Variants in ALK observed in about 807,000 individuals in gnomAD.
ALK encodes ALK tyrosine kinase receptor.
Under a neutral mutation model 163.1 loss-of-function variants are expected in ALK, and 74 were observed. That is an observed-to-expected ratio of 0.45 (90% confidence interval 0.38 to 0.55). The LOEUF is 0.55. Ranked by LOEUF, ALK falls within the 20% of genes least tolerant of loss-of-function variation. ALK has a pLI of 0.00. For missense variants in ALK, 2,063 were observed against 2,105.3 expected (o/e 0.98, Z 0.39); for synonymous variants, 960 against 843.2 (o/e 1.14, Z -2.40).
chr2:29,476,451 C>T (rs532508313), intron 4 of ALK, among the ~76,000 whole-genome samples: 1 of 151,972 alleles, frequency 6.6e-6, no homozygotes, highest in East Asian at 1.9e-4. Context: ...ATCAAAATAT[C>T]AAGAAGGAAA....
At chr2:29,717,487 G>T in intron 2 of ALK, 91 bp downstream of exon 2, 1 of 1,488,378 alleles carries the variant, frequency 6.7e-7, no homozygotes, top group Non-Finnish European at 9.4e-7. Context: ...GGAATGCCCT[G>T]GAGCACTATG....
intron 11 of ALK, among the ~76,000 whole-genome samples, chr2:29,266,953 C>G (rs1416369604): frequency 6.6e-6 from 1 of 152,140 alleles, no homozygotes; most frequent in East Asian, 1.9e-4. Flanking sequence ...ATAATCACAC[C>G]CTTGTGTAAC....
rs190396623 is a variant in ALK, at chr2:29,312,373, C to T, written c.1647+5931G>A. On this transcript the variant is annotated intron_variant, in intron 8 of 28. Transcript: ENST00000389048. ...AAGCCGAGAACAGTGGGTCGCTATA[C>T]TCAAGGTCTCCAGGCTAGAAAGTGG... is the stretch of plus-strand genomic sequence containing the variant. 4.6e-5 allele frequency among the ~76,000 whole-genome samples: 7 copies of T among 152,004 alleles called. No homozygotes were observed. In the East Asian group the frequency reaches 1.4e-3, roughly 29 times the overall value.
At chr2:29,811,802 A>T (rs1334118932) in intron 1 of ALK, among the ~76,000 whole-genome samples, 2 of 152,180 alleles carry the variant, frequency 1.3e-5, no homozygotes, top group African/African-American at 4.8e-5. Context: ...GATACTGTGT[A>T]TCTCATTGCA....
intron 4 of ALK, among the ~76,000 whole-genome samples, chr2:29,431,866 A>G (rs1670280332): frequency 6.6e-6 from 1 of 152,112 alleles, no homozygotes; most frequent in Non-Finnish European, 1.5e-5. Flanking sequence ...ACCCAGATAC[A>G]AGTCAGATGT....
At chr2:29,759,811 G>A (rs770065983) in intron 1 of ALK, among the ~76,000 whole-genome samples, 45 of 152,234 alleles carry the variant, frequency 3.0e-4, no homozygotes, top group Middle Eastern at 6.8e-3. Flanking sequence ...TTCCAACGTC[G>A]AAAGCCATTG....
chr2:29,670,697 T>C (rs1677656780), intron 3 of ALK, among the ~76,000 whole-genome samples: 1 of 152,084 alleles, frequency 6.6e-6, no homozygotes, highest in African/African-American at 2.4e-5. Context: ...CATTCCTTTT[T>C]GTTCTTTTTT....
chr2:29,915,251 G>A (rs1667804372), intron 1 of ALK, among the ~76,000 whole-genome samples: 1 of 152,064 alleles, frequency 6.6e-6, no homozygotes, highest in Non-Finnish European at 1.5e-5. Flanking sequence ...CTTCCTTATA[G>A]ATATTCCTTT....
intron 5 of ALK, among the ~76,000 whole-genome samples, chr2:29,380,676 C>A (rs1041324797): frequency 6.6e-6 from 1 of 152,068 alleles, no homozygotes; most frequent in African/African-American, 2.4e-5. Context: ...TCAGGTAATC[C>A]GCCCACCTCA....
chr2:29,731,195 G>A (rs1028312914), intron 1 of ALK, among the ~76,000 whole-genome samples: 2 of 152,204 alleles, frequency 1.3e-5, no homozygotes, highest in Non-Finnish European at 2.9e-5. Flanking sequence ...AATTTCACAG[G>A]ATGGTTATTG....
At chr2:29,919,801 C>G (rs1348733747) in intron 1 of ALK, among the ~76,000 whole-genome samples, 192 bp downstream of exon 1, 1 of 152,142 alleles carries the variant, frequency 6.6e-6, no homozygotes, top group African/African-American at 2.4e-5. Flanking sequence ...GAAGGAAGAC[C>G]CCTGAACTGC....
At chr2:29,322,517 T>C (rs954655223) in intron 6 of ALK, among the ~76,000 whole-genome samples, 20 of 152,192 alleles carry the variant, frequency 1.3e-4, no homozygotes, top group Non-Finnish European at 2.2e-4. Flanking sequence ...TCTCATGGAG[T>C]GTCCTTCACA....
intron 4 of ALK, among the ~76,000 whole-genome samples, chr2:29,405,209 G>T (rs573471732): frequency 6.6e-6 from 1 of 152,126 alleles, no homozygotes; most frequent in Non-Finnish European, 1.5e-5. Flanking sequence ...AAAGATTAAT[G>T]AGAGGCAGAG....
intron 4 of ALK, among the ~76,000 whole-genome samples, chr2:29,485,116 T>C (rs1308303304): frequency 6.6e-6 from 1 of 152,216 alleles, no homozygotes; most frequent in Non-Finnish European, 1.5e-5. Context: ...TCCCAAGTAT[T>C]GATCCTCCTC....
At chr2:29,392,085 A>G (rs768422446) in intron 4 of ALK, among the ~76,000 whole-genome samples, 26 of 152,332 alleles carry the variant, frequency 1.7e-4, no homozygotes, top group Non-Finnish European at 3.2e-4. Flanking sequence ...TGATGATCTT[A>G]TAAGAAGGTG....
At chr2:29,416,903 T>C (rs1040719813) in intron 4 of ALK, among the ~76,000 whole-genome samples, 1 of 151,156 alleles carries the variant, frequency 6.6e-6, no homozygotes, top group African/African-American at 2.4e-5. Context: ...GCCTGCCTCA[T>C]ATATGGCATG....
intron 3 of ALK, among the ~76,000 whole-genome samples, chr2:29,584,032 A>T (rs1054244574): frequency 6.6e-6 from 1 of 152,136 alleles, no homozygotes; most frequent in South Asian, 2.1e-4. Flanking sequence ...CCTGGAGCAT[A>T]AGGGAGCAGA....
chr2:29,600,882 G>T (rs547064418), intron 3 of ALK, among the ~76,000 whole-genome samples: 2 of 152,304 alleles, frequency 1.3e-5, no homozygotes, highest in Admixed American at 1.3e-4. Context: ...ACCATGAAAG[G>T]GCTCAGTATT....
rs138141617 is a variant in ALK, at chr2:29,456,937, C to T, written c.1155-73078G>A. Among the ~76,000 whole-genome samples the T allele has an allele frequency of 6.4e-4, 98 of 152,082 alleles. No homozygotes were observed. In the Middle Eastern group the frequency reaches 0.01, roughly 16 times the overall value. ...TAGGGGAGAATAACTGAAAAGTGGC[C>T]ACGCACATAAAGACAAAATAGAACG... On this transcript the variant is annotated intron_variant, in intron 4 of 28. Coordinates refer to ENST00000389048, the MANE Select transcript of ALK (RefSeq NM_004304.5).
Sources: allele counts gnomAD v4.1 joint callset (sites outside exome capture counted in the v4.1 genomes callset), GRCh38; gene constraint gnomAD v4.1.1; transcripts MANE v1.5; gene names NCBI Gene and HGNC (gene_info 2026-07-23, HGNC 2026-07-21).